RORB: variants seen among roughly 807,000 people sequenced by gnomAD.
The protein encoded by RORB is RAR related orphan receptor B, also known as nuclear receptor ROR-beta.
RORB carries 6 observed loss-of-function variants against 59.1 expected under a neutral mutation model. That is an observed-to-expected ratio of 0.10 (90% CI 0.06 to 0.20). The LOEUF is 0.20. RORB is among the 10% of genes least tolerant of loss of function. The probability of loss-of-function intolerance (pLI) is 1.00; values close to 1 mark genes in which losing one functional copy is unlikely to be tolerated. For missense variants in RORB, 320 were observed against 560.5 expected, an observed-to-expected ratio of 0.57 and a Z score of 4.33; for synonymous variants, 215 against 204.5, an observed-to-expected ratio of 1.05 and a Z score of -0.44.
At chr9:74,663,044 C>A (rs564315523) in intron 6 of RORB, among the ~76,000 whole-genome samples, 1 of 151,990 alleles carries the variant, frequency 6.6e-6, no homozygotes, top group South Asian at 2.1e-4. Flanking sequence ...AGAAACTCCA[C>A]GGTACTCTAA....
intron 1 of RORB, among the ~76,000 whole-genome samples, chr9:74,606,462 G>A (rs1823150334): frequency 6.6e-6 from 1 of 152,050 alleles, no homozygotes; most frequent in African/African-American, 2.4e-5. Context: ...CATGATTTTG[G>A]TTGGCTGTAA....
intron 4 of RORB, among the ~76,000 whole-genome samples, chr9:74,657,783 TCAC>T (rs1824108503): frequency 6.6e-6 from 1 of 152,060 alleles, no homozygotes; most frequent in Non-Finnish European, 1.5e-5. Context: ...AGCAGGTGGA[TCAC>T]TTAAGGTCAG....
chr9:74,677,547 T>C (rs1210860841), intron 9 of RORB, among the ~76,000 whole-genome samples: 4 of 152,248 alleles, frequency 2.6e-5, no homozygotes, highest in African/African-American at 9.6e-5. Context: ...TTAGGTTACA[T>C]CTGTAGTCCA....
intron 8 of RORB, among the ~76,000 whole-genome samples, 167 bp from the exon 9 acceptor site, chr9:74,671,622 T>TAA (rs1461930827): frequency 1.3e-5 from 2 of 152,200 alleles, no homozygotes; most frequent in Non-Finnish European, 2.9e-5. Context: ...CCTGGCATCA[T>TAA]GGTATTGCCT....
At chr9:74,527,544 AT>A (rs1192836115) in intron 1 of RORB, among the ~76,000 whole-genome samples, 3 of 151,968 alleles carry the variant, frequency 2.0e-5, no homozygotes, top group Non-Finnish European at 4.4e-5. Context: ...ATTGCAGGGA[AT>A]TTTTTTTATA....
chr9:74,630,589 A>G (rs1312176684), intron 2 of RORB, among the ~76,000 whole-genome samples: 1 of 152,162 alleles, frequency 6.6e-6, no homozygotes, highest in East Asian at 1.9e-4. Context: ...TTAAAAATGG[A>G]TGCGTATTTA....
chr9:74,626,316 C>A (rs1304289733), intron 1 of RORB, among the ~76,000 whole-genome samples: 2 of 152,200 alleles, frequency 1.3e-5, no homozygotes, highest in Non-Finnish European at 2.9e-5. Context: ...TATTTTAAAT[C>A]TTTCATGACA....
intron 1 of RORB, among the ~76,000 whole-genome samples, chr9:74,604,641 G>A (rs1490328669): frequency 6.6e-6 from 1 of 152,118 alleles, no homozygotes; most frequent in African/African-American, 2.4e-5. Flanking sequence ...TTATTTGTTA[G>A]TAAGTGTAGT....
At chr9:74,635,996 A>C (rs1388640613) in intron 3 of RORB, among the ~76,000 whole-genome samples, 1 of 149,234 alleles carries the variant, frequency 6.7e-6, no homozygotes, top group Non-Finnish European at 1.5e-5. Context: ...GAAACCCTTC[A>C]GTTTATAGGT....
At chr9:74,646,103 T>C (rs2118472593) in intron 4 of RORB, among the ~76,000 whole-genome samples, 1 of 146,384 alleles carries the variant, frequency 6.8e-6, no homozygotes, top group East Asian at 2.0e-4. Flanking sequence ...ACATCCTGAC[T>C]GGGTGAATTT....
intron 1 of RORB, among the ~76,000 whole-genome samples, chr9:74,617,864 C>A (rs527292197): frequency 2.0e-5 from 3 of 152,286 alleles, no homozygotes; most frequent in Admixed American, 6.5e-5. Flanking sequence ...ACAAACTAAA[C>A]TCAAACATGC....
intron 1 of RORB, among the ~76,000 whole-genome samples, chr9:74,586,600 C>CGTGTGTGTGTGT (rs1313500289): frequency 0.031 from 4,363 of 141,232 alleles, 104 homozygotes; most frequent in East Asian, 0.063. Flanking sequence ...ATGTAATGTC[C>CGTGTGTGTGTGT]GTGTGTGTGT....
chr9:74,614,559 C>T (rs1413098326), intron 1 of RORB, among the ~76,000 whole-genome samples: 1 of 151,712 alleles, frequency 6.6e-6, no homozygotes, highest in African/African-American at 2.4e-5. Flanking sequence ...CCTAGAACAT[C>T]ATGTTGTATA....
At chr9:74,677,026 A>C (rs1824455578) in intron 9 of RORB, among the ~76,000 whole-genome samples, 1 of 152,202 alleles carries the variant, frequency 6.6e-6, no homozygotes, top group African/African-American at 2.4e-5. Flanking sequence ...GCCACAGAGG[A>C]GACAGATCCT....
At chr9:74,555,027 T>C (rs558605192) in intron 1 of RORB, among the ~76,000 whole-genome samples, 1 of 152,324 alleles carries the variant, frequency 6.6e-6, no homozygotes, top group African/African-American at 2.4e-5. Flanking sequence ...ACACTGGGAA[T>C]TGGCTATCTG....
chr9:74,560,883 T>G (rs1822387243), intron 1 of RORB, among the ~76,000 whole-genome samples: 1 of 152,160 alleles, frequency 6.6e-6, no homozygotes, highest in Non-Finnish European at 1.5e-5. Context: ...AGCCTGGGAA[T>G]GTATACTGTT....
chr9:74,605,386 G>C (rs10116811), intron 1 of RORB, among the ~76,000 whole-genome samples: 25,539 of 152,122 alleles, frequency 0.17, 2,177 homozygotes, highest in Admixed American at 0.21. Context: ...CTATGGACCA[G>C]CAGTATCCCA....
intron 1 of RORB, among the ~76,000 whole-genome samples, chr9:74,607,566 T>C (rs1234293587): frequency 6.6e-6 from 1 of 151,186 alleles, no homozygotes; most frequent in East Asian, 1.9e-4. Context: ...ATACATTTCA[T>C]ATAGACACAT....
chr9:74,690,261 A>AT lies in RORB; in HGVS notation c.*4648dup, dbSNP rs1292983344. 5 of 152,130 alleles carry AT rather than the reference A, an allele frequency of 3.3e-5. No individual in the cohort carries two copies. Among genetic ancestry groups the AT allele is most frequent in the African/African-American group, 7.2e-5 (3 of 41,442 alleles). The allele number at this position is 152,130 out of a possible 1,614,324, so 9.4% of individuals were successfully genotyped here. ...TCAAAAAAAAGCTGACACTCTATTC[A>AT]TTTTTGGGTCTCAGGACCAGAGGGT... On this transcript the variant is annotated 3_prime_UTR_variant, in exon 10 of 10. Transcript: ENST00000376896.
Sources: gnomAD v4.1 joint callset for allele counts (sites outside exome capture counted in the v4.1 genomes callset) on GRCh38, gnomAD v4.1.1 for gene constraint, MANE v1.5 for transcripts, NCBI Gene and HGNC (gene_info 2026-07-23, HGNC 2026-07-21) for gene names.